The following RIN2 variants were observed in gnomAD, a reference collection of about 807,000 sequenced individuals.
RIN2 encodes Ras and Rab interactor 2, also known as RAB5 interacting protein 2.
In RIN2, 36 loss-of-function variants were observed where a neutral mutation model predicts 78.0. That is an observed-to-expected ratio of 0.46 (90% CI 0.35 to 0.61). The LOEUF is 0.61. Among genes scored for constraint, RIN2 ranks in the 20% least tolerant of loss-of-function variants. The probability of loss-of-function intolerance (pLI) is 0.00; values close to 1 mark genes in which losing one functional copy is unlikely to be tolerated. For synonymous variants in RIN2, 466 were observed against 466.8 expected, an observed-to-expected ratio of 1.00 and a Z score of 0.02; for missense variants, 1,087 against 1,159.7, an observed-to-expected ratio of 0.94 and a Z score of 0.91.
chr20:19,857,075 A>G (rs1256172266), intron 2 of RIN2, among the ~76,000 whole-genome samples: 1 of 152,174 alleles, frequency 6.6e-6, no homozygotes, highest in African/African-American at 2.4e-5. Flanking sequence ...ATCCAGATCA[A>G]GGTCTAGAAC....
intron 2 of RIN2, among the ~76,000 whole-genome samples, chr20:19,877,785 G>A (rs4814915): frequency 0.065 from 9,912 of 152,166 alleles, 559 homozygotes; most frequent in East Asian, 0.21. Flanking sequence ...TTGGGAGGCT[G>A]AGGTGGGAGG....
intron 3 of RIN2, among the ~76,000 whole-genome samples, chr20:19,894,361 G>C (rs1485185995): frequency 6.6e-6 from 1 of 151,804 alleles, no homozygotes; most frequent in East Asian, 1.9e-4. Flanking sequence ...TACCATCCAG[G>C]CTCCCAATGC....
intron 3 of RIN2, among the ~76,000 whole-genome samples, chr20:19,920,864 G>C (rs915613521): frequency 6.6e-6 from 1 of 152,110 alleles, no homozygotes; most frequent in Non-Finnish European, 1.5e-5. Flanking sequence ...GTGGAGACGG[G>C]GTTTCACCAT....
In RIN2 at chr20:19,975,985, G is replaced by C. The variant is rs1332167528; in HGVS notation, c.1762+198G>C. ...CAGACTCAAAAATGTCTTCGGGAGT[G>C]ACAGATTGGAGCTGCACAGTGATTC... On this transcript the variant is annotated intron_variant, in intron 9 of 12. Transcript: ENST00000255006. This position sits in a 1 kb window ranked among gnomAD's most constrained non-coding sequence, Gnocchi z 4.9. 6.6e-6 allele frequency among the ~76,000 whole-genome samples: 1 copy of C among 152,170 alleles called. No homozygotes were observed. Among genetic ancestry groups the C allele is most frequent in the African/African-American group, 2.4e-5 (1 of 41,448 alleles).
At chr20:19,861,372 C>CT (rs1568551467) in intron 2 of RIN2, among the ~76,000 whole-genome samples, 1 of 152,196 alleles carries the variant, frequency 6.6e-6, no homozygotes, top group East Asian at 1.9e-4. Context: ...GACAAAGATT[C>CT]TTGGCTTGAC....
chr20:19,946,452 C>T (rs923671950), intron 4 of RIN2, among the ~76,000 whole-genome samples: 9 of 152,162 alleles, frequency 5.9e-5, no homozygotes, highest in African/African-American at 1.9e-4. Flanking sequence ...CCGGGGTTCA[C>T]ACCTGGAATC....
intron 2 of RIN2, among the ~76,000 whole-genome samples, chr20:19,829,575 T>C (rs900103762): frequency 1.4e-4 from 22 of 152,268 alleles, no homozygotes; most frequent in African/African-American, 4.6e-4. Context: ...CTGTTGTGAC[T>C]ATAGGAAATG....
intron 3 of RIN2, among the ~76,000 whole-genome samples, 177 bp from the exon 4 acceptor site, chr20:19,934,922 C>A (rs912538592): frequency 6.6e-6 from 1 of 151,672 alleles, no homozygotes; most frequent in Non-Finnish European, 1.5e-5. Flanking sequence ...GCCTCCTCCC[C>A]CTTTATTTTT....
At chr20:19,992,822 G>T (rs990424228) in intron 11 of RIN2, among the ~76,000 whole-genome samples, 15 of 152,118 alleles carry the variant, frequency 9.9e-5, no homozygotes, top group African/African-American at 3.6e-4. Context: ...AAAATAACCT[G>T]CTCTTATATT....
At position 19,808,338 on chromosome 20, in the gene RIN2, G is replaced by A. The variant is rs116442606; in HGVS notation, c.-37+8591G>A. Among the ~76,000 whole-genome samples, 1,024 of 152,306 alleles carry A rather than the reference G, an allele frequency of 6.7e-3. 17 individuals carry two copies. The highest frequency in any genetic ancestry group is 0.024 in the African/African-American group (977 of 41,564). Reference sequence around the variant, plus strand: ...GCCGCCATGGCCCAGTAGGAGTCAGGGGAAGGGGAGTCGGGTGAAGGAAAG... The same window carrying A: ...GCCGCCATGGCCCAGTAGGAGTCAGAGGAAGGGGAGTCGGGTGAAGGAAAG... On this transcript the variant is annotated intron_variant, in intron 2 of 12. Transcript: ENST00000255006.
At chr20:19,878,419 G>C (rs779787425) in intron 2 of RIN2, among the ~76,000 whole-genome samples, 1 of 152,252 alleles carries the variant, frequency 6.6e-6, no homozygotes. Flanking sequence ...CAGAGCTATT[G>C]GAGGGAGAAG....
intron 2 of RIN2, among the ~76,000 whole-genome samples, chr20:19,807,420 A>G (rs2035443350): frequency 6.6e-6 from 1 of 152,148 alleles, no homozygotes; most frequent in Non-Finnish European, 1.5e-5. Context: ...CAAAACCTTA[A>G]TGATATTCTA....
intron 1 of RIN2, among the ~76,000 whole-genome samples, chr20:19,768,845 T>C (rs1012759871): frequency 6.6e-6 from 1 of 152,166 alleles, no homozygotes; most frequent in Non-Finnish European, 1.5e-5. Flanking sequence ...TTAGACCTTA[T>C]TGGAAATATT....
intron 1 of RIN2, among the ~76,000 whole-genome samples, chr20:19,787,876 A>G (rs2034734125): frequency 6.6e-6 from 1 of 152,200 alleles, no homozygotes; most frequent in East Asian, 1.9e-4. Flanking sequence ...TACCCTATGC[A>G]TTACACAAGA....
chr20:19,959,825 C>T (rs1040910736), intron 5 of RIN2, among the ~76,000 whole-genome samples: 2 of 152,176 alleles, frequency 1.3e-5, no homozygotes, highest in Non-Finnish European at 2.9e-5. Flanking sequence ...AGAGTCACTT[C>T]ATTTGTAGGC....
chr20:19,980,044 C>CAAAAAAAAAA (rs56268489), intron 9 of RIN2, among the ~76,000 whole-genome samples: 7 of 72,692 alleles, frequency 9.6e-5, no homozygotes, highest in Admixed American at 1.7e-4. Flanking sequence ...AACTCCATCT[C>CAAAAAAAAAA]AAAAAAAAAA....
chr20:19,860,622 C>T (rs572418492), intron 2 of RIN2, among the ~76,000 whole-genome samples: 13 of 152,292 alleles, frequency 8.5e-5, no homozygotes, highest in East Asian at 1.9e-4. Context: ...TGCACCTGGC[C>T]GGTTAATTCT....
chr20:19,859,026 G>A (rs1159894324), intron 2 of RIN2, among the ~76,000 whole-genome samples: 1 of 152,218 alleles, frequency 6.6e-6, no homozygotes, highest in African/African-American at 2.4e-5. Flanking sequence ...CTCAGAAGAT[G>A]GACTCTGGAG....
At chr20:19,773,321 T>G (rs2122442438) in intron 1 of RIN2, among the ~76,000 whole-genome samples, 1 of 152,326 alleles carries the variant, frequency 6.6e-6, no homozygotes, top group East Asian at 1.9e-4. Context: ...GGGTGAGAAC[T>G]CCAACATATC....
Sources: allele counts gnomAD v4.1 joint callset (sites outside exome capture counted in the v4.1 genomes callset), GRCh38; gene constraint gnomAD v4.1.1; non-coding constraint Gnocchi (gnomAD v3.1); transcripts MANE v1.5; gene names NCBI Gene and HGNC (gene_info 2026-07-23, HGNC 2026-07-21).